Variants in LINGO1 observed in about 807,000 individuals in gnomAD.
The protein encoded by LINGO1 is leucine rich repeat and Ig domain containing 1.
Under a neutral mutation model 37.3 loss-of-function variants are expected in LINGO1, and 11 were observed. The ratio of observed to expected loss-of-function variants is 0.29; its 90% CI spans 0.19 to 0.49. The LOEUF is 0.49. Ranked by LOEUF, LINGO1 falls within the 20% of genes least tolerant of loss-of-function variation. The probability of loss-of-function intolerance (pLI) is 0.99; values close to 1 mark genes in which losing one functional copy is unlikely to be tolerated. For synonymous variants in LINGO1, 387 were observed against 403.0 expected (o/e 0.96, Z 0.48); for missense variants, 585 against 878.2 (o/e 0.67, Z 4.22).
intron 1 of LINGO1, among the ~76,000 whole-genome samples, chr15:77,748,478 G>C (rs569976526): frequency 1.1e-3 from 169 of 152,280 alleles, no homozygotes; most frequent in African/African-American, 3.9e-3. Flanking sequence ...CTCAGGGCCC[G>C]CCCTCAAGGT....
upstream of LINGO1, among the ~76,000 whole-genome samples, chr15:77,633,366 G>T (rs1596020367): frequency 6.6e-6 from 1 of 151,988 alleles, no homozygotes; most frequent in Non-Finnish European, 1.5e-5. Context: ...ACACGCACGA[G>T]GACGGACAGG....
chr15:77,744,699 A>C (rs969256749), intron 1 of LINGO1, among the ~76,000 whole-genome samples: 1 of 152,368 alleles, frequency 6.6e-6, no homozygotes, highest in East Asian at 1.9e-4. Context: ...AGGCAATCAA[A>C]ACACAGAGAG....
chr15:77,725,180 A>C (rs962006707), intron 2 of LINGO1, among the ~76,000 whole-genome samples: 5 of 152,230 alleles, frequency 3.3e-5, no homozygotes, highest in Non-Finnish European at 7.3e-5. Context: ...GAAGGACAGA[A>C]AGCCCTGAAC....
intron 1 of LINGO1, among the ~76,000 whole-genome samples, chr15:77,621,480 C>T (rs2073916016): frequency 6.6e-6 from 1 of 152,090 alleles, no homozygotes; most frequent in South Asian, 2.1e-4. Context: ...GTCACAAAGC[C>T]AGAGGGGGGC....
chr15:77,702,290 G>C (rs1371833612), intron 2 of LINGO1, among the ~76,000 whole-genome samples: 1 of 152,158 alleles, frequency 6.6e-6, no homozygotes, highest in African/African-American at 2.4e-5. Context: ...CAGGCCTACA[G>C]GCTGGGGGAC....
At chr15:77,775,329 G>C (rs1162902424) in intron 1 of LINGO1, among the ~76,000 whole-genome samples, 1 of 152,190 alleles carries the variant, frequency 6.6e-6, no homozygotes, top group South Asian at 2.1e-4. Context: ...GCAGGCCCAA[G>C]TTTGGGGCAA....
intron 1 of LINGO1, among the ~76,000 whole-genome samples, chr15:77,736,845 G>A (rs1208549593): frequency 6.6e-6 from 1 of 152,206 alleles, no homozygotes; most frequent in East Asian, 1.9e-4. Context: ...GAGTAGAGTG[G>A]TGACCAGTAA....
At chr15:77,673,337 T>C (rs1182087876) in intron 3 of LINGO1, among the ~76,000 whole-genome samples, 2 of 152,136 alleles carry the variant, frequency 1.3e-5, no homozygotes, top group African/African-American at 4.8e-5. Context: ...TTTGCACATA[T>C]GCCAAATAAA....
intron 1 of LINGO1, among the ~76,000 whole-genome samples, chr15:77,691,128 A>G (rs1022164919): frequency 1.3e-5 from 2 of 152,236 alleles, no homozygotes; most frequent in Non-Finnish European, 2.9e-5. Flanking sequence ...GGATATTGCA[A>G]TGTGGATAGT....
At chr15:77,665,094 C>A (rs1252479983) in intron 3 of LINGO1, among the ~76,000 whole-genome samples, 1 of 152,180 alleles carries the variant, frequency 6.6e-6, no homozygotes, top group Non-Finnish European at 1.5e-5. Context: ...CCCTTGTGGG[C>A]TGTTCTGAGC....
At chr15:77,672,959 C>T (rs763040877) in intron 3 of LINGO1, among the ~76,000 whole-genome samples, 2 of 152,182 alleles carry the variant, frequency 1.3e-5, no homozygotes, top group Non-Finnish European at 2.9e-5. Context: ...GAGGTCTGGA[C>T]AGACATGAGA....
At chr15:77,621,963 G>A (rs2073936414) in intron 1 of LINGO1, among the ~76,000 whole-genome samples, 1 of 152,214 alleles carries the variant, frequency 6.6e-6, no homozygotes, top group South Asian at 2.1e-4. Flanking sequence ...GAAGGCTGGG[G>A]CCCAGGGTCC....
At chr15:77,737,363 G>C (rs1376297692) in intron 1 of LINGO1, among the ~76,000 whole-genome samples, 1 of 152,000 alleles carries the variant, frequency 6.6e-6, no homozygotes, top group African/African-American at 2.4e-5. Flanking sequence ...CAAAGCCACA[G>C]AGCAGAGCAA....
Position 77,720,260 on chromosome 15 carries a change from C to A in LINGO1, c.-195+14732G>T, listed in dbSNP as rs567596315. 6.6e-5 allele frequency among the ~76,000 whole-genome samples: 10 copies of A among 152,284 alleles called. No homozygotes were observed. The South Asian group carries it at 1.9e-3, about 28-fold the overall frequency. On this transcript the variant is annotated intron_variant, in intron 2 of 3. Transcript: ENST00000561686. ...CATGCTGTCCAGAGGAAATAAACAG[C>A]AATTAGAGGAGTAAACGGCGTTTTT...
intron 1 of LINGO1, among the ~76,000 whole-genome samples, chr15:77,811,958 AAT>A (rs1491474818): frequency 1.5e-4 from 22 of 150,706 alleles, no homozygotes; most frequent in Middle Eastern, 3.4e-3. Context: ...AAAAAAAAAA[AAT>A]AGCACAGTCA....
rs1029229499 is a variant in LINGO1, at chr15:77,667,488, G to A, written c.-13+9601C>T. Reference sequence around the variant, plus strand: ...GATGAGGGGTGCTCTCAGGGGACTGGGCTCGAGGACAGCAAGTCCCTGGTG... The same window carrying A: ...GATGAGGGGTGCTCTCAGGGGACTGAGCTCGAGGACAGCAAGTCCCTGGTG... On this transcript the variant is annotated intron_variant, in intron 3 of 3. Transcript: ENST00000559893. Among the ~76,000 whole-genome samples, 3 of 152,294 alleles carry A rather than the reference G, an allele frequency of 2.0e-5. No individual in the cohort carries two copies. In the East Asian group the frequency reaches 5.8e-4, roughly 29 times the overall value.
upstream of LINGO1, chr15:77,787,203 G>C (rs1159017056): frequency 1.3e-5 from 2 of 152,340 alleles, no homozygotes; most frequent in Non-Finnish European, 2.9e-5. Flanking sequence ...CAGGGAGCTG[G>C]GATCTCAGAA....
At chr15:77,764,475 T>C (rs1204676727) in intron 1 of LINGO1, among the ~76,000 whole-genome samples, 1 of 152,174 alleles carries the variant, frequency 6.6e-6, no homozygotes, top group Non-Finnish European at 1.5e-5. Context: ...ATATAAAGAA[T>C]TCTGCAAATC....
rs113554132 is a variant in LINGO1 at position 77,654,680 on chromosome 15, C to T, written c.-13+22409G>A. On this transcript the variant is annotated intron_variant, in intron 3 of 3. Coordinates refer to the LINGO1 transcript ENST00000559893. ...CCTGGAGAGGTCAATGGAAAGGGCT[C>T]GAGAGCTGGACAGCGCTGAGTTCTA... 5.0e-3 allele frequency among the ~76,000 whole-genome samples: 754 copies of T among 152,178 alleles called. 8 individuals are homozygous for T. The highest frequency in any genetic ancestry group is 0.017 in the African/African-American group (705 of 41,494).
Sources: gnomAD v4.1 joint callset for allele counts (sites outside exome capture counted in the v4.1 genomes callset) on GRCh38, gnomAD v4.1.1 for gene constraint, MANE v1.5 for transcripts, NCBI Gene and HGNC (gene_info 2026-07-23, HGNC 2026-07-21) for gene names.